Variants in NCOR1 observed in about 807,000 individuals in gnomAD.
The protein encoded by NCOR1 is nuclear receptor corepressor 1.
NCOR1 carries 63 observed loss-of-function variants against 288.1 expected under a neutral mutation model. The ratio of observed to expected loss-of-function variants is 0.22; its 90% CI spans 0.18 to 0.27. NCOR1 has a LOEUF of 0.27. Ranked by LOEUF, NCOR1 falls within the 10% of genes least tolerant of loss-of-function variation. NCOR1 has a pLI of 1.00. For missense variants in NCOR1, 2,397 were observed against 3,019.2 expected, an observed-to-expected ratio of 0.79 and a Z score of 4.83; for synonymous variants, 1,007 against 1,065.9, an observed-to-expected ratio of 0.94 and a Z score of 1.08.
chr17:16,046,943 C>T lies in NCOR1; in HGVS notation c.6679+8G>A, dbSNP rs1462941631. On this transcript the variant is annotated splice_region_variant and intron_variant, in intron 42 of 45. Transcript: ENST00000268712. ...TTATTTGGGGTTCATGAAAGAAATC[C>T]CACTTACCCATATCAGAGTCACCTC... 1.9e-6 allele frequency: 3 copies of T among 1,610,868 alleles called. No individual in the cohort carries two copies. Among genetic ancestry groups the T allele is most frequent in the Non-Finnish European group, 2.5e-6 (3 of 1,178,874 alleles).
chr17:16,064,472 G>A (rs1490864376), intron 34 of NCOR1, among the ~76,000 whole-genome samples: 1 of 151,746 alleles, frequency 6.6e-6, no homozygotes, highest in South Asian at 2.1e-4. Flanking sequence ...GTGTGGTGGC[G>A]CGCACCTGTA....
Position 16,039,632 on chromosome 17 carries a change from A to C in NCOR1, c.6756T>G (p.His2252Gln), listed in dbSNP as rs2151988434. Residue 2252 changes from histidine (H) to glutamine (Q), a missense_variant, in exon 44 of 46, where the codon CAT becomes CAG. Physicochemically the swap from His to Gln is conservative, Grantham distance 24. This residue lies in a region of NCOR1 where 1,872 missense variants were observed against 2,187.8 expected (regional missense o/e 0.86). Transcript: ENST00000268712. ...TTSGSVSSRG[H>Q]SFADPASNLG... ...GATTACTGGCAGGATCAGCAAAAGA[A>C]TGGCCTCTAGAGCTAACTGAGCCTG... The C allele has an allele frequency of 6.2e-7, 1 of 1,614,054 alleles. No individual in the cohort carries two copies. Among genetic ancestry groups the C allele is most frequent in the South Asian group, 1.1e-5 (1 of 91,060 alleles).
chr17:16,143,515 C>A, intron 11 of NCOR1, 91 bp downstream of exon 11: 1 of 966,802 alleles, frequency 1.0e-6, no homozygotes, highest in South Asian at 1.5e-5. Flanking sequence ...ATTAAGTTCC[C>A]ACATTTACAT....
At chr17:16,063,983 A>G in intron 35 of NCOR1, 85 bp downstream of exon 35, 3 of 1,434,854 alleles carry the variant, frequency 2.1e-6, no homozygotes, top group Non-Finnish European at 1.8e-6. Flanking sequence ...GTTTCCATCA[A>G]AACTTTTTGT....
chr17:16,139,735 T>C (rs1329496547), intron 11 of NCOR1, among the ~76,000 whole-genome samples: 2 of 152,232 alleles, frequency 1.3e-5, no homozygotes, highest in African/African-American at 4.8e-5. Flanking sequence ...AAGGTTGTTA[T>C]TCTTAGAAAT....
chr17:16,073,346 T>C (rs2061990147), intron 28 of NCOR1, 83 bp downstream of exon 28: 2 of 1,259,710 alleles, frequency 1.6e-6, no homozygotes, highest in South Asian at 2.0e-5. Context: ...ATGACAGAAA[T>C]TGCATACAAC....
At chr17:16,110,369 CAAAAAAA>C (rs1024624935) in intron 18 of NCOR1, among the ~76,000 whole-genome samples, 9 of 151,424 alleles carry the variant, frequency 5.9e-5, no homozygotes, top group African/African-American at 1.9e-4. Context: ...AAACAAAAAA[CAAAAAAA>C]CAAAAATTTT....
intron 19 of NCOR1, among the ~76,000 whole-genome samples, chr17:16,104,936 C>T (rs906528229): frequency 6.6e-6 from 1 of 152,096 alleles, no homozygotes; most frequent in Non-Finnish European, 1.5e-5. Flanking sequence ...TGGGGAAGAG[C>T]ATCCCAGGTA....
chr17:16,107,145 TG>T (rs947195089), intron 19 of NCOR1, among the ~76,000 whole-genome samples: 5 of 151,916 alleles, frequency 3.3e-5, no homozygotes, highest in African/African-American at 1.2e-4. Context: ...TCCGCCCTCC[TG>T]GGCCTCCCCA....
chr17:16,159,320 G>T (rs1219832466), intron 5 of NCOR1, among the ~76,000 whole-genome samples: 1 of 149,914 alleles, frequency 6.7e-6, no homozygotes, highest in African/African-American at 2.5e-5. Flanking sequence ...GGCTGAGGCA[G>T]GAGAATCACT....
At chr17:16,194,807 A>G (rs1323274223) in intron 1 of NCOR1, among the ~76,000 whole-genome samples, 168 bp from the exon 2 acceptor site, 2 of 152,202 alleles carry the variant, frequency 1.3e-5, no homozygotes, top group African/African-American at 4.8e-5. Flanking sequence ...TTAATGCATC[A>G]TTTCTTTTTA....
At chr17:16,210,871 A>G (rs178799) in intron 1 of NCOR1, among the ~76,000 whole-genome samples, 63,426 of 151,808 alleles carry the variant, frequency 0.42, 15,108 homozygotes, top group Middle Eastern at 0.55. Flanking sequence ...CTGGCACTAC[A>G]GGTGCGTGCC....
intron 44 of NCOR1, among the ~76,000 whole-genome samples, chr17:16,036,137 C>T (rs1276716499): frequency 1.3e-5 from 2 of 152,196 alleles, no homozygotes; most frequent in African/African-American, 4.8e-5. Context: ...ATTCCTTGAT[C>T]CATGGGCTTC....
At chr17:16,180,927 G>A (rs567579636) in intron 3 of NCOR1, among the ~76,000 whole-genome samples, 3 of 152,340 alleles carry the variant, frequency 2.0e-5, no homozygotes, top group Admixed American at 6.5e-5. Flanking sequence ...GGGAGGCTGA[G>A]GTGGGCGGAT....
At chr17:16,188,799 C>T (rs912709234) in intron 2 of NCOR1, among the ~76,000 whole-genome samples, 15 of 150,770 alleles carry the variant, frequency 9.9e-5, no homozygotes, top group Non-Finnish European at 1.6e-4. Flanking sequence ...CCAAGGCAGG[C>T]GGATCCCTTG....
At chr17:16,065,918 G>C in intron 32 of NCOR1, 2 of 534,996 alleles carry the variant, frequency 3.7e-6, no homozygotes, top group Non-Finnish European at 6.7e-6. Context: ...GATAACAGTA[G>C]CTAAAAACTT....
chr17:16,072,280 T>A, intron 28 of NCOR1, 52 bp from the exon 29 acceptor site: 1 of 1,316,320 alleles, frequency 7.6e-7, no homozygotes, highest in Non-Finnish European at 1.1e-6. Context: ...ATATGTCAAC[T>A]CACATATACT....
At chr17:16,146,108 A>G (rs2153346190) in intron 10 of NCOR1, among the ~76,000 whole-genome samples, 1 of 152,246 alleles carries the variant, frequency 6.6e-6, no homozygotes, top group East Asian at 1.9e-4. Flanking sequence ...CATGCTCGTT[A>G]AGAGTCATCA....
intron 19 of NCOR1, chr17:16,108,209 T>A (rs761355487): frequency 2.3e-5 from 6 of 263,982 alleles, no homozygotes; most frequent in Non-Finnish European, 4.7e-5. Context: ...CCACAGAAAC[T>A]TTAATCAGAG....
Sources: allele counts gnomAD v4.1 joint callset (sites outside exome capture counted in the v4.1 genomes callset), GRCh38; gene constraint gnomAD v4.1.1; regional missense constraint gnomAD v4.1.1; transcripts MANE v1.5; gene names NCBI Gene and HGNC (gene_info 2026-07-23, HGNC 2026-07-21).